Variants in KHDRBS2 observed in about 807,000 individuals in gnomAD.
KHDRBS2 encodes KH RNA binding domain containing, signal transduction associated 2.
A neutral mutation model predicts 44.3 loss-of-function variants in KHDRBS2; 26 were observed. That is an observed-to-expected ratio of 0.59 (90% CI 0.43 to 0.81). The LOEUF is 0.81. KHDRBS2 is among the 40% of genes least tolerant of loss of function. The pLI, the probability that KHDRBS2 is intolerant of heterozygous loss-of-function variation, is 0.00. For synonymous variants in KHDRBS2, 194 were observed against 151.1 expected, an observed-to-expected ratio of 1.28 and a Z score of -2.08; for missense variants, 476 against 433.1, an observed-to-expected ratio of 1.10 and a Z score of -0.88.
chr6:61,739,376 T>C (rs1352164036), intron 6 of KHDRBS2, among the ~76,000 whole-genome samples: 4 of 151,912 alleles, frequency 2.6e-5, no homozygotes, highest in Non-Finnish European at 4.4e-5. Context: ...AGAATCTTAC[T>C]TGTTTCTTAA....
intron 6 of KHDRBS2, among the ~76,000 whole-genome samples, chr6:61,864,460 T>C (rs745493026): frequency 1.3e-5 from 2 of 152,212 alleles, no homozygotes; most frequent in Non-Finnish European, 2.9e-5. Context: ...GAAGGTCTTG[T>C]GGCAATGGAT....
At chr6:61,943,727 T>A (rs1812618517) in intron 4 of KHDRBS2, among the ~76,000 whole-genome samples, 1 of 152,056 alleles carries the variant, frequency 6.6e-6, no homozygotes, top group South Asian at 2.1e-4. Flanking sequence ...TATTGAATGG[T>A]AGAAAATATT....
chr6:61,592,044 A>T, the KHDRBS2 span, among the ~76,000 whole-genome samples: 27 of 152,040 alleles, frequency 1.8e-4, 1 homozygote, highest in African/African-American at 6.0e-4. Flanking sequence ...AGAAAAAACT[A>T]GCCCAGTGTG....
chr6:61,987,398 C>T lies in KHDRBS2; in HGVS notation c.337-9186G>A, dbSNP rs576696874. 2.6e-5 allele frequency among the ~76,000 whole-genome samples: 4 copies of T among 152,252 alleles called. No individual in the cohort carries two copies. In the East Asian group the frequency reaches 5.8e-4, roughly 22 times the overall value. On this transcript the variant is annotated intron_variant, in intron 3 of 8. Transcript: ENST00000281156. ...AAAAAAGTTGAAAACACATGATATA[C>T]TGTATATCCAAGTTTTGTACTTTTA...
intron 4 of KHDRBS2, among the ~76,000 whole-genome samples, chr6:61,972,380 G>C (rs1194519397): frequency 1.1e-4 from 17 of 152,098 alleles, no homozygotes; most frequent in Admixed American, 1.1e-3. Context: ...GATTACAGAT[G>C]TCTTCCAAGA....
chr6:61,580,933 C>T, the KHDRBS2 span, among the ~76,000 whole-genome samples: 1 of 152,200 alleles, frequency 6.6e-6, no homozygotes, highest in South Asian at 2.1e-4. Context: ...AAGTACAAAC[C>T]TGACTTATAA....
chr6:61,665,546 C>G, the KHDRBS2 span, among the ~76,000 whole-genome samples: 56 of 151,068 alleles, frequency 3.7e-4, no homozygotes, highest in Non-Finnish European at 6.8e-4. Flanking sequence ...ACTTTCAAAA[C>G]TGTGTAATCA....
intron 2 of KHDRBS2, among the ~76,000 whole-genome samples, chr6:62,128,807 C>A (rs1255276298): frequency 6.6e-6 from 1 of 151,820 alleles, no homozygotes; most frequent in Non-Finnish European, 1.5e-5. Flanking sequence ...AAAAAATCAA[C>A]AAATTAAAAT....
At chr6:62,128,775 T>A (rs1809564644) in intron 2 of KHDRBS2, among the ~76,000 whole-genome samples, 1 of 151,996 alleles carries the variant, frequency 6.6e-6, no homozygotes, top group Non-Finnish European at 1.5e-5. Flanking sequence ...CTTCCAGATG[T>A]AAACAATTAC....
intron 1 of KHDRBS2, among the ~76,000 whole-genome samples, chr6:62,272,594 T>C (rs553512247): frequency 6.6e-6 from 1 of 152,204 alleles, no homozygotes; most frequent in Non-Finnish European, 1.5e-5. Context: ...AGTAAATTTC[T>C]GTATTGAGTA....
chr6:61,960,463 AATT>A (rs1768413074), intron 4 of KHDRBS2, among the ~76,000 whole-genome samples: 1 of 152,138 alleles, frequency 6.6e-6, no homozygotes, highest in Non-Finnish European at 1.5e-5. Context: ...TCAACTAACC[AATT>A]ATTAACTATC....
the KHDRBS2 span, among the ~76,000 whole-genome samples, chr6:61,562,288 A>G: frequency 6.6e-6 from 1 of 152,162 alleles, no homozygotes; most frequent in African/African-American, 2.4e-5. Context: ...ACTCAATGTT[A>G]TCTAATTTGG....
At chr6:61,984,025 C>T (rs1774519995) in intron 3 of KHDRBS2, among the ~76,000 whole-genome samples, 1 of 152,142 alleles carries the variant, frequency 6.6e-6, no homozygotes, top group African/African-American at 2.4e-5. Context: ...TCCCAGAATC[C>T]TGTAACAAAA....
chr6:62,024,549 C>T (rs936011061), intron 3 of KHDRBS2, among the ~76,000 whole-genome samples: 22 of 151,350 alleles, frequency 1.5e-4, no homozygotes, highest in Admixed American at 9.2e-4. Flanking sequence ...CATTTGAAAG[C>T]AAAATATTGT....
chr6:61,681,757 G>A (rs1302981178), intron 8 of KHDRBS2, among the ~76,000 whole-genome samples: 1 of 151,804 alleles, frequency 6.6e-6, no homozygotes, highest in East Asian at 1.9e-4. Flanking sequence ...AAACATTGAG[G>A]GTAGTAGAAA....
chr6:62,186,117 C>T (rs1375372971), intron 1 of KHDRBS2, among the ~76,000 whole-genome samples: 1 of 152,016 alleles, frequency 6.6e-6, no homozygotes, highest in Admixed American at 6.6e-5. Context: ...TGACACTTGC[C>T]AACAAGTGAT....
rs79448655 is a variant in KHDRBS2 at position 62,161,837 on chromosome 6, T to C, written c.219+15348A>G. The stretch of plus-strand genomic sequence containing the variant: ...ACTGCCATGGGCATTACATTTAATA[T>C]CTCAAAATTATAACACTCTAATTTG... On this transcript the variant is annotated intron_variant, in intron 2 of 8. Transcript: ENST00000281156. Among the ~76,000 whole-genome samples the C allele has an allele frequency of 3.0e-4, 46 of 152,146 alleles. No individual in the cohort carries two copies. The East Asian group carries it at 7.9e-3, about 26-fold the overall frequency.
At chr6:61,597,871 T>C in the KHDRBS2 span, among the ~76,000 whole-genome samples, 1 of 135,318 alleles carries the variant, frequency 7.4e-6, no homozygotes, top group Non-Finnish European at 1.6e-5. Flanking sequence ...CAAAGAAACA[T>C]GGGGAAATAG....
chr6:61,666,997 T>TG, the KHDRBS2 span, among the ~76,000 whole-genome samples: 2 of 150,424 alleles, frequency 1.3e-5, no homozygotes, highest in Non-Finnish European at 3.0e-5. Context: ...CTGGGTTTTT[T>TG]TTTTTTTTTT....
Sources: allele counts gnomAD v4.1 joint callset (sites outside exome capture counted in the v4.1 genomes callset), GRCh38; gene constraint gnomAD v4.1.1; transcripts MANE v1.5; gene names NCBI Gene and HGNC (gene_info 2026-07-23, HGNC 2026-07-21).